Variants in ZNF160 observed in about 807,000 individuals in gnomAD.
The protein encoded by ZNF160 is KRAB zinc finger protein KR18.
Under a neutral mutation model 13.1 loss-of-function variants are expected in ZNF160, and 9 were observed. That is an observed-to-expected ratio of 0.69 (90% CI 0.41 to 1.20). ZNF160 has a LOEUF of 1.20. Among genes scored for constraint, ZNF160 ranks in the 50% most tolerant of loss-of-function variants. The pLI, the probability that ZNF160 is intolerant of heterozygous loss-of-function variation, is 0.01. For synonymous variants in ZNF160, 293 were observed against 333.2 expected, an observed-to-expected ratio of 0.88 and a Z score of 1.31; for missense variants, 838 against 988.0, an observed-to-expected ratio of 0.85 and a Z score of 2.04.
chr19:53,091,937 T>C (rs1261427222), intron 1 of ZNF160, among the ~76,000 whole-genome samples: 3 of 152,220 alleles, frequency 2.0e-5, no homozygotes, highest in South Asian at 2.1e-4. Flanking sequence ...GGTCAATAAC[T>C]TGCTTTTTAA....
intron 3 of ZNF160, among the ~76,000 whole-genome samples, chr19:53,082,147 CTA>C (rs2084656519): frequency 6.6e-6 from 1 of 152,202 alleles, no homozygotes; most frequent in African/African-American, 2.4e-5. Context: ...GGCTGAAAAA[CTA>C]TCTATCGGGT....
At chr19:53,094,598 G>A (rs1217018098) in intron 1 of ZNF160, among the ~76,000 whole-genome samples, 4 of 152,066 alleles carry the variant, frequency 2.6e-5, no homozygotes, top group South Asian at 2.1e-4. Context: ...CACTTAAATC[G>A]TTTTCAATGT....
At chr19:53,083,199 C>T (rs1186621334) in intron 3 of ZNF160, among the ~76,000 whole-genome samples, 1 of 152,160 alleles carries the variant, frequency 6.6e-6, no homozygotes, top group Admixed American at 6.5e-5. Context: ...CCATTGGCCA[C>T]TGGTGATCAA....
chr19:53,090,063 C>T (rs1016154019), intron 2 of ZNF160, among the ~76,000 whole-genome samples: 3 of 151,676 alleles, frequency 2.0e-5, no homozygotes, highest in African/African-American at 7.3e-5. Flanking sequence ...ATTAAATCCC[C>T]TCTTCCCTGT....
At position 53,069,084 on chromosome 19, in the gene ZNF160, T is replaced by C. The variant is rs1428738075; in HGVS notation, c.1450A>G (p.Asn484Asp). 1.2e-6 allele frequency: 2 copies of C among 1,614,058 alleles called. No homozygotes were observed. Among genetic ancestry groups the C allele is most frequent in the African/African-American group, 2.7e-5 (2 of 74,914 alleles). ...TGAGTGAAAACCTTGCTGCATTCATTGCATTTGAAAGGTTTTGTTCCAGTA... is the reference window on the plus strand; with the variant it reads ...TGAGTGAAAACCTTGCTGCATTCATCGCATTTGAAAGGTTTTGTTCCAGTA... Reference protein sequence around the residue: ...IHTGTKPFKCNECSKVFTQNS... With the variant: ...IHTGTKPFKCDECSKVFTQNS... Residue 484 changes from asparagine to aspartate, a missense_variant, in exon 6 of 6, where the codon AAT becomes GAT. By Grantham distance (23) the Asn-to-Asp change is conservative (BLOSUM62 1). Transcript: ENST00000683776. This position sits in a 1 kb window ranked among gnomAD's most constrained non-coding sequence, Gnocchi z 4.4.
chr19:53,087,695 C>A (rs556328668), intron 2 of ZNF160, among the ~76,000 whole-genome samples: 1 of 152,100 alleles, frequency 6.6e-6, no homozygotes, highest in African/African-American at 2.4e-5. Flanking sequence ...GGATTACAGG[C>A]GCCCGCCACC....
intron 3 of ZNF160, among the ~76,000 whole-genome samples, chr19:53,084,158 T>A (rs1264501774): frequency 6.6e-6 from 1 of 152,104 alleles, no homozygotes; most frequent in African/African-American, 2.4e-5. Context: ...CCCGGAGAGT[T>A]TCAGCCACTT....
In ZNF160 at chr19:53,067,908, C is replaced by G. The variant is rs546620892; in HGVS notation, c.*169G>C. 4.2e-5 allele frequency: 39 copies of G among 931,392 alleles called. 1 individual carries two copies. In the South Asian group the frequency reaches 7.9e-4, roughly 19 times the overall value. The allele number at this position is 931,392 out of a possible 1,614,324, so 57.7% of individuals were successfully genotyped here. On this transcript the variant is annotated 3_prime_UTR_variant, in exon 6 of 6. Coordinates refer to ENST00000683776, the MANE Select transcript of ZNF160 (RefSeq NM_001322131.2). ...TAGTAACCTGCGAGGCCTGGATAGACCCTCTGCCACATATGTTTACATGAT... is the reference window on the plus strand; with the variant it reads ...TAGTAACCTGCGAGGCCTGGATAGAGCCTCTGCCACATATGTTTACATGAT...
chr19:53,083,472 T>C (rs2084711162), intron 3 of ZNF160, among the ~76,000 whole-genome samples: 1 of 152,240 alleles, frequency 6.6e-6, no homozygotes, highest in African/African-American at 2.4e-5. Context: ...AGATAAAGCA[T>C]ACCATTTCAT....
chr19:53,086,439 C>A, intron 2 of ZNF160, 118 bp from the exon 3 acceptor site: 2 of 804,656 alleles, frequency 2.5e-6, no homozygotes, highest in Non-Finnish European at 1.8e-6. Context: ...AGATCTCACC[C>A]TGTGGAAAGA....
chr19:53,073,530 G>A, intron 5 of ZNF160: 1 of 1,590,380 alleles, frequency 6.3e-7, no homozygotes. Context: ...CAGGAAATGG[G>A]GTGGAACATA....
At chr19:53,098,670 G>A (rs2146040045) in intron 1 of ZNF160, among the ~76,000 whole-genome samples, 1 of 151,688 alleles carries the variant, frequency 6.6e-6, no homozygotes, top group African/African-American at 2.4e-5. Context: ...CTCCTTCATG[G>A]CCCACTTAGC....
intron 5 of ZNF160, chr19:53,073,433 G>A: frequency 1.3e-6 from 2 of 1,598,408 alleles, no homozygotes; most frequent in Non-Finnish European, 1.7e-6. Flanking sequence ...GGCGGAGACG[G>A]CTGGAGACTC....
chr19:53,073,546 G>C, intron 5 of ZNF160: 1 of 1,572,894 alleles, frequency 6.4e-7, no homozygotes, highest in South Asian at 1.1e-5. Flanking sequence ...ACATAAACAG[G>C]TCTAGACGTC....
chr19:53,075,429 A>G (rs576393629), intron 3 of ZNF160: 1 of 437,184 alleles, frequency 2.3e-6, no homozygotes, highest in Non-Finnish European at 4.2e-6. Context: ...TGTCTGGAGC[A>G]CCTAGGTAGC....
intron 3 of ZNF160, chr19:53,085,959 CG>C (rs2084813998): frequency 1.7e-6 from 2 of 1,210,296 alleles, no homozygotes; most frequent in African/African-American, 1.5e-5. Flanking sequence ...CATCCAGATG[CG>C]GCCCCTGAGC....
Position 53,070,365 on chromosome 19 carries a change from C to T in ZNF160, c.272-103G>A, listed in dbSNP as rs1313618336. 4.2e-6 allele frequency: 5 copies of T among 1,202,616 alleles called. No homozygotes were observed. The Admixed American group carries it at 1.6e-4, about 38-fold the overall frequency. 74.5% of individuals were successfully genotyped at this position (1,202,616 alleles called of 1,614,324 possible). A position where few individuals can be genotyped will look rare whatever the true frequency, so the allele number is the denominator to read the frequency against. The stretch of plus-strand genomic sequence containing the variant: ...CACCAAAAGTAATACTTATATTGAA[C>T]AGACTTTGGAACTTCAGAACTGTGA... On this transcript the variant is annotated intron_variant, in intron 5 of 5. Transcript: ENST00000683776.
chr19:53,098,684 T>G lies in ZNF160; in HGVS notation c.-354+4581A>C, dbSNP rs1352374613. Among the ~76,000 whole-genome samples, 107 of 151,644 alleles carry G rather than the reference T, an allele frequency of 7.1e-4. 1 individual carries two copies. Among genetic ancestry groups the G allele is most frequent in the African/African-American group, 2.5e-3 (102 of 40,976 alleles). ...CCTCCTTCATGGCCCACTTAGCTTC[T>G]GAACTTCTCGCCACCCTTCCTGAAG... On this transcript the variant is annotated intron_variant, in intron 1 of 5. Coordinates refer to ENST00000683776, the MANE Select transcript of ZNF160 (RefSeq NM_001322131.2).
At chr19:53,099,701 A>T (rs944010555) in intron 1 of ZNF160, among the ~76,000 whole-genome samples, 8 of 152,198 alleles carry the variant, frequency 5.3e-5, no homozygotes, top group African/African-American at 1.9e-4. Context: ...GCACTCCCCA[A>T]TTCCTAGAAG....
Sources: allele counts gnomAD v4.1 joint callset (sites outside exome capture counted in the v4.1 genomes callset), GRCh38; gene constraint gnomAD v4.1.1; non-coding constraint Gnocchi (gnomAD v3.1); transcripts MANE v1.5; gene names NCBI Gene and HGNC (gene_info 2026-07-23, HGNC 2026-07-21).